Variants in N4BP2L2 observed in about 807,000 individuals in gnomAD.
N4BP2L2 encodes NEDD4-binding protein 2-like 2.
A neutral mutation model predicts 56.2 loss-of-function variants in N4BP2L2; 50 were observed. That is an observed-to-expected ratio of 0.89 (90% CI 0.71 to 1.13). N4BP2L2 has a LOEUF of 1.13. Ranked by LOEUF, N4BP2L2 falls within the 50% of genes most tolerant of loss-of-function variation. The pLI, the probability that N4BP2L2 is intolerant of heterozygous loss-of-function variation, is 0.00. For synonymous variants in N4BP2L2, 203 were observed against 223.6 expected, an observed-to-expected ratio of 0.91 and a Z score of 0.82; for missense variants, 689 against 693.8, an observed-to-expected ratio of 0.99 and a Z score of 0.08.
chr13:32,498,685 A>G (rs185941), intron 6 of N4BP2L2, among the ~76,000 whole-genome samples: 108,280 of 151,770 alleles, frequency 0.71, 38,970 homozygotes, highest in Non-Finnish European at 0.75. Context: ...GTATCAGACT[A>G]TGATGGACTG....
chr13:32,532,566 T>C (rs561096594), intron 2 of N4BP2L2, among the ~76,000 whole-genome samples: 1 of 151,644 alleles, frequency 6.6e-6, no homozygotes, highest in South Asian at 2.1e-4. Flanking sequence ...GTAGGTTATG[T>C]TTCTGGATTC....
intron 5 of N4BP2L2, 150 bp from the exon 6 acceptor site, chr13:32,518,153 CTT>C (rs2049711533): frequency 3.9e-6 from 3 of 761,368 alleles, no homozygotes; most frequent in Admixed American, 3.4e-5. Context: ...TGTAAAAAGA[CTT>C]ATTAAAAACT....
Position 32,517,760 on chromosome 13 carries a change from T to C in N4BP2L2, c.*42A>G, listed in dbSNP as rs1379342172. ...CTCCAAGACAGGCTCACTAACTCTTTTTCAAGTGCAACAACAAATGTGTTA... is the reference window on the plus strand; with the variant it reads ...CTCCAAGACAGGCTCACTAACTCTTCTTCAAGTGCAACAACAAATGTGTTA... On this transcript the variant is annotated 3_prime_UTR_variant, in exon 6 of 6. Coordinates refer to ENST00000267068, the Ensembl canonical transcript of N4BP2L2. 4 of 1,604,206 alleles carry C rather than the reference T, an allele frequency of 2.5e-6. No individual in the cohort carries two copies. In the Admixed American group the frequency reaches 6.8e-5, roughly 27 times the overall value.
intron 6 of N4BP2L2, among the ~76,000 whole-genome samples, chr13:32,482,077 C>T (rs1056112545): frequency 2.0e-5 from 3 of 152,120 alleles, no homozygotes; most frequent in Admixed American, 6.5e-5. Flanking sequence ...ACACCATTGG[C>T]TTATGCTTAT....
chr13:32,462,263 A>T (rs1272321411), intron 6 of N4BP2L2, among the ~76,000 whole-genome samples: 5 of 152,266 alleles, frequency 3.3e-5, no homozygotes, highest in Admixed American at 2.0e-4. Context: ...ACTTGGACAT[A>T]GAAAAAATAA....
intron 2 of N4BP2L2, among the ~76,000 whole-genome samples, chr13:32,531,755 A>AT (rs1289846061): frequency 6.6e-6 from 1 of 152,228 alleles, no homozygotes; most frequent in African/African-American, 2.4e-5. Context: ...TGTAACTTCT[A>AT]TAACACCACA....
At chr13:32,452,564 G>T (rs1020949321) in intron 6 of N4BP2L2, among the ~76,000 whole-genome samples, 1 of 152,260 alleles carries the variant, frequency 6.6e-6, no homozygotes, top group South Asian at 2.1e-4. Context: ...AATTATACTA[G>T]ACTATCCATT....
chr13:32,538,153 G>A (rs1034119671), intron 1 of N4BP2L2, among the ~76,000 whole-genome samples: 2 of 151,628 alleles, frequency 1.3e-5, no homozygotes, highest in African/African-American at 4.9e-5. Flanking sequence ...CCAATTCTTC[G>A]TTGTGCCACT....
chr13:32,469,282 G>A (rs1170419964), intron 6 of N4BP2L2, among the ~76,000 whole-genome samples: 1 of 152,214 alleles, frequency 6.6e-6, no homozygotes, highest in Non-Finnish European at 1.5e-5. Flanking sequence ...GGTGGCAGCT[G>A]TGCTGCATGG....
chr13:32,522,304 C>A (rs2051184756), intron 3 of N4BP2L2, 34 bp from the exon 4 acceptor site: 1 of 1,337,864 alleles, frequency 7.5e-7, no homozygotes, highest in Non-Finnish European at 1.0e-6. Flanking sequence ...AATAAAAAAA[C>A]AAATTAGGTT....
chr13:32,520,004 A>G (rs1293988097), intron 5 of N4BP2L2, among the ~76,000 whole-genome samples: 1 of 152,210 alleles, frequency 6.6e-6, no homozygotes, highest in African/African-American at 2.4e-5. Context: ...ACACACACAC[A>G]GCTAGGCAGG....
At chr13:32,502,073 T>C (rs2090118409) in intron 6 of N4BP2L2, among the ~76,000 whole-genome samples, 1 of 150,636 alleles carries the variant, frequency 6.6e-6, no homozygotes, top group Admixed American at 6.6e-5. Flanking sequence ...TTTTTTTTTT[T>C]TTTTTTTTGA....
chr13:32,490,103 CACTCTTTCTCCTCCTCCTCCT>C (rs1319930918), intron 6 of N4BP2L2: 4 of 152,114 alleles, frequency 2.6e-5, no homozygotes, highest in African/African-American at 9.7e-5. Flanking sequence ...CTGGGCAAAG[CACTCTTTCTCCTCCTCCTCCT>C]ACTTTTTCTC....
At chr13:32,475,536 G>A (rs529920981) in intron 6 of N4BP2L2, among the ~76,000 whole-genome samples, 1 of 152,298 alleles carries the variant, frequency 6.6e-6, no homozygotes, top group African/African-American at 2.4e-5. Context: ...ATAATGCACA[G>A]GGAAGGCTGG....
chr13:32,483,990 G>GAAAAAA (rs11424749), intron 6 of N4BP2L2, among the ~76,000 whole-genome samples: 11 of 118,808 alleles, frequency 9.3e-5, no homozygotes, highest in Non-Finnish European at 1.1e-4. Context: ...ATCTAAAAAA[G>GAAAAAA]AAAAAAAAAA....
At chr13:32,471,039 C>T (rs771844055) in intron 6 of N4BP2L2, among the ~76,000 whole-genome samples, 13 of 152,322 alleles carry the variant, frequency 8.5e-5, no homozygotes, top group Middle Eastern at 6.8e-3. Context: ...GGGCTGAACT[C>T]AGTGCAATGT....
chr13:32,446,310 G>A, intron 6 of N4BP2L2: 2 of 1,271,026 alleles, frequency 1.6e-6, no homozygotes, highest in Non-Finnish European at 2.1e-6. Flanking sequence ...AGGATATTGA[G>A]TAAAGAGTGC....
At chr13:32,504,016 T>A (rs2090485976) in intron 6 of N4BP2L2, among the ~76,000 whole-genome samples, 1 of 152,006 alleles carries the variant, frequency 6.6e-6, no homozygotes, top group Non-Finnish European at 1.5e-5. Context: ...AATAAATAAA[T>A]AAAAAAGAGT....
chr13:32,537,454 A>G (rs2056835212), intron 1 of N4BP2L2, among the ~76,000 whole-genome samples: 5 of 152,178 alleles, frequency 3.3e-5, no homozygotes, highest in Admixed American at 2.0e-4. Flanking sequence ...TGGCTGTGAT[A>G]CACTGCATCC....
Sources: allele counts gnomAD v4.1 joint callset (sites outside exome capture counted in the v4.1 genomes callset), GRCh38; gene constraint gnomAD v4.1.1; transcripts MANE v1.5; gene names NCBI Gene and HGNC (gene_info 2026-07-23, HGNC 2026-07-21).